CNTN1: variants seen among roughly 807,000 people sequenced by gnomAD.
CNTN1 encodes contactin 1.
Under a neutral mutation model 126.4 loss-of-function variants are expected in CNTN1, and 38 were observed. The observed-to-expected ratio is 0.30, with a 90% CI of 0.23 to 0.39. The LOEUF is 0.39. Ranked by LOEUF, CNTN1 falls within the 10% of genes least tolerant of loss-of-function variation. The pLI, the probability that CNTN1 is intolerant of heterozygous loss-of-function variation, is 1.00. For synonymous variants in CNTN1, 413 were observed against 422.6 expected (o/e 0.98, Z 0.28); for missense variants, 1,009 against 1,248.4 (o/e 0.81, Z 2.89).
At chr12:40,993,097 T>C (rs1948131934) in intron 16 of CNTN1, 23 bp from the exon 17 acceptor site, 4 of 1,601,602 alleles carry the variant, frequency 2.5e-6, no homozygotes, top group Non-Finnish European at 3.4e-6. Flanking sequence ...CTGTATTCTC[T>C]ATTTACTATT....
chr12:40,893,354 A>G (rs886845276), intron 1 of CNTN1, among the ~76,000 whole-genome samples: 1 of 152,098 alleles, frequency 6.6e-6, no homozygotes, highest in Non-Finnish European at 1.5e-5. Flanking sequence ...AACAAACTTT[A>G]TATGTTCAAA....
intron 1 of CNTN1, among the ~76,000 whole-genome samples, chr12:40,799,260 T>C (rs2136480518): frequency 6.6e-6 from 1 of 151,424 alleles, no homozygotes; most frequent in South Asian, 2.1e-4. Context: ...TTTTTATACT[T>C]GATACAATCT....
At position 40,984,197 on chromosome 12, in the gene CNTN1, A is replaced by G. The variant is rs1318663016; in HGVS notation, c.1963+3130A>G. On this transcript the variant is annotated intron_variant, in intron 16 of 23. Transcript: ENST00000551295. Reference sequence around the variant, plus strand: ...TATCACTTTCTATAAATGTTTGCCTATTAAACCAATATGTTTATATTATCC... The same window carrying G: ...TATCACTTTCTATAAATGTTTGCCTGTTAAACCAATATGTTTATATTATCC... Among the ~76,000 whole-genome samples, 4 of 151,778 alleles carry G rather than the reference A, an allele frequency of 2.6e-5. No individual in the cohort carries two copies. The East Asian group carries it at 7.7e-4, about 29-fold the overall frequency.
At chr12:40,974,781 A>T (rs1259362121) in intron 15 of CNTN1, among the ~76,000 whole-genome samples, 1 of 152,130 alleles carries the variant, frequency 6.6e-6, no homozygotes, top group African/African-American at 2.4e-5. Flanking sequence ...TAGCACTTAC[A>T]TCATAGGGTT....
chr12:40,802,626 G>A (rs141487870), intron 1 of CNTN1, among the ~76,000 whole-genome samples: 45 of 151,964 alleles, frequency 3.0e-4, no homozygotes, highest in East Asian at 9.7e-4. Context: ...AATCAGGACC[G>A]TAAGATGTAT....
At chr12:41,057,222 T>A (rs1169194423) in intron 23 of CNTN1, among the ~76,000 whole-genome samples, 1 of 145,738 alleles carries the variant, frequency 6.9e-6, no homozygotes, top group Non-Finnish European at 1.5e-5. Context: ...TATTTATAAA[T>A]ATTATTATAA....
chr12:40,715,487 C>T lies in CNTN1; in HGVS notation c.-77+22895C>T, dbSNP rs1822597. ...TTTTATTAATTGGTGCAAAAGTAAC[C>T]GCATGAACTTTTGCATGAACTTGAT... is the stretch of plus-strand genomic sequence containing the variant. On this transcript the variant is annotated intron_variant, in intron 1 of 23. Transcript: ENST00000551295. Among the ~76,000 whole-genome samples the T allele has an allele frequency of 8.4e-3, 1,281 of 152,094 alleles. 31 individuals are homozygous for T. The highest frequency in any genetic ancestry group is 0.063 in the East Asian group (326 of 5,180).
chr12:40,711,724 T>C (rs1372373419), intron 1 of CNTN1, among the ~76,000 whole-genome samples: 1 of 152,110 alleles, frequency 6.6e-6, no homozygotes, highest in Non-Finnish European at 1.5e-5. Context: ...TTTCTTCTTT[T>C]TTTAAGAGAC....
At position 40,900,138 on chromosome 12, in the gene CNTN1, C is replaced by T. The variant is rs139183847; in HGVS notation, c.-76-8219C>T. On this transcript the variant is annotated intron_variant, in intron 1 of 23. Transcript: ENST00000551295. ...GGATGTTAATTAAGTGCTGACAGGACGGCATGCATTTTACAGAACAACTGA... is the reference window on the plus strand; with the variant it reads ...GGATGTTAATTAAGTGCTGACAGGATGGCATGCATTTTACAGAACAACTGA... Among the ~76,000 whole-genome samples the T allele has an allele frequency of 7.6e-4, 115 of 152,062 alleles. 1 individual carries two copies. Among genetic ancestry groups the T allele is most frequent in the African/African-American group, 1.9e-3 (77 of 41,478 alleles).
chr12:40,950,097 G>GGTGTGTGTGT (rs59713493), intron 14 of CNTN1, among the ~76,000 whole-genome samples: 91 of 145,332 alleles, frequency 6.3e-4, no homozygotes, highest in South Asian at 2.0e-3. Context: ...GTGTTGAGAG[G>GGTGTGTGTGT]GTGTGTGTGT....
chr12:40,759,368 A>G (rs1565695456), intron 1 of CNTN1, among the ~76,000 whole-genome samples: 1 of 152,074 alleles, frequency 6.6e-6, no homozygotes, highest in Non-Finnish European at 1.5e-5. Flanking sequence ...GCCCAAAACC[A>G]GAGGTCTCTG....
intron 23 of CNTN1, among the ~76,000 whole-genome samples, chr12:41,047,713 C>CT (rs1461686764): frequency 1.3e-5 from 2 of 151,890 alleles, no homozygotes; most frequent in Non-Finnish European, 2.9e-5. Flanking sequence ...CTCTTTTATA[C>CT]TTCTTTCATA....
intron 1 of CNTN1, among the ~76,000 whole-genome samples, chr12:40,821,279 C>T (rs564056176): frequency 6.6e-6 from 1 of 152,156 alleles, no homozygotes; most frequent in Non-Finnish European, 1.5e-5. Flanking sequence ...GTATCCAAAG[C>T]TATTTGGTGA....
At chr12:41,017,534 G>C (rs1948808992) in intron 19 of CNTN1, among the ~76,000 whole-genome samples, 1 of 151,696 alleles carries the variant, frequency 6.6e-6, no homozygotes, top group African/African-American at 2.4e-5. Context: ...AGGGAATCTA[G>C]ACATAATTAT....
At position 40,894,055 on chromosome 12, in the gene CNTN1, T is replaced by C. The variant is rs983122159; in HGVS notation, c.-76-14302T>C. Among the ~76,000 whole-genome samples, 4 of 152,160 alleles carry C rather than the reference T, an allele frequency of 2.6e-5. No homozygotes were observed. In the East Asian group the frequency reaches 7.7e-4, roughly 29 times the overall value. On this transcript the variant is annotated intron_variant, in intron 1 of 23. Transcript: ENST00000551295. ...CTGAATTCCTCCCTTTTCCTCATTG[T>C]CTGTTCCAATATCTCTACAGGTACT...
intron 23 of CNTN1, among the ~76,000 whole-genome samples, chr12:41,045,980 G>A (rs1432843373): frequency 6.6e-6 from 1 of 152,072 alleles, no homozygotes; most frequent in East Asian, 1.9e-4. Flanking sequence ...GTTATTGAAG[G>A]TTACAGAAAA....
At chr12:41,003,364 A>T in intron 17 of CNTN1, among the ~76,000 whole-genome samples, 1 of 150,350 alleles carries the variant, frequency 6.7e-6, no homozygotes. Flanking sequence ...TTTTTTGAGG[A>T]TTTTTTCGTT....
intron 21 of CNTN1, 94 bp downstream of exon 21, chr12:41,025,430 AC>A: frequency 8.3e-7 from 1 of 1,199,608 alleles, no homozygotes; most frequent in Non-Finnish European, 1.2e-6. Context: ...CTACCTAGCT[AC>A]CTGAGCACAT....
At chr12:40,736,006 T>C (rs190431647) in intron 1 of CNTN1, among the ~76,000 whole-genome samples, 1 of 152,102 alleles carries the variant, frequency 6.6e-6, no homozygotes, top group East Asian at 1.9e-4. Flanking sequence ...AAAACATCTA[T>C]TGTGATTACC....
Sources: allele counts gnomAD v4.1 joint callset (sites outside exome capture counted in the v4.1 genomes callset), GRCh38; gene constraint gnomAD v4.1.1; transcripts MANE v1.5; gene names NCBI Gene and HGNC (gene_info 2026-07-23, HGNC 2026-07-21).